SHISA9: variants seen among roughly 807,000 people sequenced by gnomAD.
The protein encoded by SHISA9 is shisa family member 9.
Under a neutral mutation model 38.0 loss-of-function variants are expected in SHISA9, and 13 were observed. The observed-to-expected ratio is 0.34, with a 90% CI of 0.22 to 0.54. The LOEUF is 0.54. Among genes scored for constraint, SHISA9 ranks in the 20% least tolerant of loss-of-function variants. The pLI is 0.91. For missense variants in SHISA9, 538 were observed against 575.8 expected (o/e 0.93, Z 0.67); for synonymous variants, 275 against 242.0 (o/e 1.14, Z -1.27).
chr16:13,005,403 C>G (rs1053818829), intron 2 of SHISA9, among the ~76,000 whole-genome samples: 2 of 152,092 alleles, frequency 1.3e-5, no homozygotes, highest in African/African-American at 2.4e-5. Context: ...TACTATGTGC[C>G]AGGTCATCTT....
intron 2 of SHISA9, among the ~76,000 whole-genome samples, chr16:13,052,300 C>A (rs2073261840): frequency 6.6e-6 from 1 of 152,160 alleles, no homozygotes; most frequent in African/African-American, 2.4e-5. Context: ...GAATATGCTT[C>A]TAGCAGTGGA....
the SHISA9 span, among the ~76,000 whole-genome samples, chr16:13,392,686 G>A: frequency 3.9e-5 from 6 of 152,224 alleles, no homozygotes; most frequent in Admixed American, 2.6e-4. Flanking sequence ...AAATAAAACC[G>A]ATTTGCTGTG....
chr16:13,087,811 G>A (rs1190129162), intron 2 of SHISA9, among the ~76,000 whole-genome samples: 3 of 152,160 alleles, frequency 2.0e-5, no homozygotes, highest in African/African-American at 7.2e-5. Flanking sequence ...CTTTTGCTGT[G>A]CAGAAGCTCT....
At chr16:13,395,949 C>A in the SHISA9 span, among the ~76,000 whole-genome samples, 2 of 152,122 alleles carry the variant, frequency 1.3e-5, no homozygotes, top group African/African-American at 4.8e-5. Context: ...AGAGCTAGAT[C>A]TTTTTCATTA....
At chr16:12,921,422 A>C (rs2071327128) in intron 2 of SHISA9, among the ~76,000 whole-genome samples, 1 of 152,134 alleles carries the variant, frequency 6.6e-6, no homozygotes, top group African/African-American at 2.4e-5. Context: ...TTACCGAGGC[A>C]CCTGGGATGT....
the SHISA9 span, among the ~76,000 whole-genome samples, chr16:13,328,829 G>A: frequency 2.0e-5 from 3 of 152,150 alleles, no homozygotes; most frequent in African/African-American, 7.2e-5. Context: ...GAGTTAAGAA[G>A]AAATTATTTA....
rs574916202 is a variant in SHISA9 at position 13,193,126 on chromosome 16, C to G, written c.692-10268C>G. ...CGTGGTTCAATGCTGAACTTCCAGG[C>G]TCTTCTTGATCCATTCTGGGGGCAG... is the stretch of plus-strand genomic sequence containing the variant. On this transcript the variant is annotated intron_variant, in intron 2 of 4. Transcript: ENST00000558583. 1.4e-4 allele frequency among the ~76,000 whole-genome samples: 22 copies of G among 152,268 alleles called. 1 individual carries two copies. The South Asian group carries it at 1.7e-3, about 12-fold the overall frequency.
At chr16:13,064,053 C>T (rs1444531666) in intron 2 of SHISA9, among the ~76,000 whole-genome samples, 4 of 152,154 alleles carry the variant, frequency 2.6e-5, no homozygotes, top group Non-Finnish European at 5.9e-5. Context: ...CACATTATTG[C>T]GTCCACGTTT....
chr16:13,263,051 C>T, the SHISA9 span, among the ~76,000 whole-genome samples: 1 of 152,178 alleles, frequency 6.6e-6, no homozygotes, highest in Non-Finnish European at 1.5e-5. Context: ...TGCAACGTAA[C>T]TATTCATTCC....
At chr16:13,219,255 C>G (rs1325372508) in intron 4 of SHISA9, among the ~76,000 whole-genome samples, 1 of 152,214 alleles carries the variant, frequency 6.6e-6, no homozygotes, top group African/African-American at 2.4e-5. Context: ...CCTGTTCATT[C>G]CAAAGCCATC....
intron 2 of SHISA9, among the ~76,000 whole-genome samples, chr16:13,193,621 C>A (rs893713550): frequency 6.6e-6 from 1 of 152,222 alleles, no homozygotes; most frequent in Admixed American, 6.5e-5. Context: ...GCTGTGATTA[C>A]AGGCATGAGC....
At chr16:13,558,924 A>G in the SHISA9 span, among the ~76,000 whole-genome samples, 2 of 152,230 alleles carry the variant, frequency 1.3e-5, no homozygotes, top group African/African-American at 4.8e-5. Context: ...AAGTGTCACG[A>G]GTATTGATTC....
intron 2 of SHISA9, among the ~76,000 whole-genome samples, chr16:12,983,982 A>G (rs566766201): frequency 3.9e-5 from 6 of 152,278 alleles, no homozygotes; most frequent in African/African-American, 1.4e-4. Flanking sequence ...CTACATTGGT[A>G]CCCATTCTAC....
At chr16:13,470,324 C>G in the SHISA9 span, among the ~76,000 whole-genome samples, 1 of 152,226 alleles carries the variant, frequency 6.6e-6, no homozygotes, top group Middle Eastern at 3.4e-3. Flanking sequence ...AATTTAATAT[C>G]TATAGAATTT....
At chr16:12,943,322 TGTGTGTGTGAGAGAGAGAGAGAGAGAGA>T (rs2071643323) in intron 2 of SHISA9, among the ~76,000 whole-genome samples, 1 of 22,122 alleles carries the variant, frequency 4.5e-5, no homozygotes, top group African/African-American at 1.6e-4. Context: ...TGTGTGTGTG[TGTGTGTGTGAGAGAGAGAGAGAGAGAGA>T]GAGAGAGAGA....
intron 2 of SHISA9, among the ~76,000 whole-genome samples, chr16:13,148,699 A>G (rs2050470765): frequency 1.5e-5 from 2 of 131,752 alleles, no homozygotes; most frequent in African/African-American, 6.7e-5. Context: ...GCACACACAC[A>G]CACACACACA....
chr16:13,501,342 C>G, the SHISA9 span, among the ~76,000 whole-genome samples: 1 of 151,940 alleles, frequency 6.6e-6, no homozygotes, highest in African/African-American at 2.4e-5. Flanking sequence ...TGTGTGAAAA[C>G]AGAAACTACA....
At chr16:12,910,636 G>A in intron 1 of SHISA9, 1 of 985,392 alleles carries the variant, frequency 1.0e-6, no homozygotes, top group Middle Eastern at 5.2e-4. Flanking sequence ...CAACATAATT[G>A]TTGTTTTAAA....
the SHISA9 span, among the ~76,000 whole-genome samples, chr16:13,534,380 A>G: frequency 1.3e-5 from 2 of 152,016 alleles, no homozygotes; most frequent in South Asian, 4.2e-4. Context: ...GTATGCCACC[A>G]TACCTGGCTA....
Sources: allele counts gnomAD v4.1 joint callset (sites outside exome capture counted in the v4.1 genomes callset), GRCh38; gene constraint gnomAD v4.1.1; transcripts MANE v1.5; gene names NCBI Gene and HGNC (gene_info 2026-07-23, HGNC 2026-07-21).